OAS3: variants seen among roughly 807,000 people sequenced by gnomAD.
The protein encoded by OAS3 is 2'-5'-oligoadenylate synthase 3.
Under a neutral mutation model 113.0 loss-of-function variants are expected in OAS3, and 107 were observed. That is an observed-to-expected ratio of 0.95 (90% confidence interval 0.81 to 1.11). The LOEUF (loss-of-function observed/expected upper bound fraction) is 1.11, where lower values mean the gene tolerates loss of function less well. OAS3 is among the 50% of genes most tolerant of loss of function. OAS3 has a pLI of 0.00. For synonymous variants in OAS3, 552 were observed against 573.6 expected (o/e 0.96, Z 0.54); for missense variants, 1,258 against 1,389.1 (o/e 0.91, Z 1.50).
rs757589611 is a variant in OAS3, at chr12:112,964,301, A to G, written c.2296A>G (p.Asn766Asp). 1.2e-6 allele frequency: 2 copies of G among 1,608,348 alleles called. No individual in the cohort carries two copies. Among genetic ancestry groups the G allele is most frequent in the Admixed American group, 1.7e-5 (1 of 59,414 alleles). ...GTTCATCAGTGAATTTCTCCAGCCC[A>G]ACCGCCAGTTCCTGGCCCAGGTGAA... ...DKFISEFLQP[N>D]RQFLAQVNKA... Residue 766 changes from asparagine to aspartate, a missense_variant, in exon 11 of 16, where the codon AAC becomes GAC. Asn to Asp is a conservative substitution (Grantham distance 23). Transcript: ENST00000228928.
chr12:112,944,797 C>A, intron 3 of OAS3, 146 bp downstream of exon 3: 1 of 830,508 alleles, frequency 1.2e-6, no homozygotes, highest in Non-Finnish European at 2.0e-6. Flanking sequence ...ATTATTTTCT[C>A]TTGGGTTAGC....
chr12:112,963,348 A>T lies in OAS3; in HGVS notation c.2120A>T (p.Asn707Ile). Residue 707 changes from asparagine (N) to isoleucine (I), a missense_variant, in exon 10 of 16, where the codon AAC (asparagine) becomes ATC (isoleucine). Asn to Ile is a moderately radical substitution (Grantham distance 149, BLOSUM62 -3). Transcript: ENST00000228928. This position sits in a 1 kb window ranked among gnomAD's most constrained non-coding sequence, Gnocchi z 4.6. ...LVLDPADPTW[N>I]VGHGSWELLA... ...CTGGACCCCGCTGATCCCACCTGGAACGTGGGCCACGGTAGCTGGGAGCTG... is the reference window on the plus strand; with the variant it reads ...CTGGACCCCGCTGATCCCACCTGGATCGTGGGCCACGGTAGCTGGGAGCTG... 6.4e-7 allele frequency: 1 copy of T among 1,567,108 alleles called. No individual in the cohort carries two copies.
Position 112,965,970 on chromosome 12 carries a change from C to G in OAS3, c.2630C>G (p.Ser877Cys), listed in dbSNP as rs2043929888. The stretch of plus-strand genomic sequence containing the variant: ...CGCGTGCTGAGCTTCTCACTGACAT[C>G]CCAGACGATGCTGGACCAGAGTGTG... Reference protein sequence around the residue: ...NPRVLSFSLTSQTMLDQSVDF... With the variant: ...NPRVLSFSLTCQTMLDQSVDF... The change falls in exon 12 of 16, where the codon TCC becomes TGC. Residue 877 changes from serine (S) to cysteine (C), a missense_variant. Ser to Cys is a moderately radical substitution (Grantham distance 112, BLOSUM62 -1). Transcript: ENST00000228928. 2.5e-6 allele frequency: 4 copies of G among 1,614,040 alleles called. No homozygotes were observed. Among genetic ancestry groups the G allele is most frequent in the Non-Finnish European group, 3.4e-6 (4 of 1,179,906 alleles).
chr12:112,968,929 G>C (rs548414553), intron 14 of OAS3, among the ~76,000 whole-genome samples: 1 of 152,328 alleles, frequency 6.6e-6, no homozygotes, highest in Admixed American at 6.5e-5. Flanking sequence ...AGAGATAATA[G>C]AGATGCTTTT....
chr12:112,950,744 C>T lies in OAS3; in HGVS notation c.1426C>T (p.Leu476Phe). 1 of 1,614,064 alleles carries T rather than the reference C, an allele frequency of 6.2e-7. No homozygotes were observed. The highest frequency in any genetic ancestry group is 8.5e-7 in the Non-Finnish European group (1 of 1,179,910). The change falls in exon 7 of 16, where the codon CTC (leucine) becomes TTC (phenylalanine). Residue 476 changes from leucine to phenylalanine, a missense_variant. Leu to Phe is a conservative substitution (Grantham distance 22). Transcript: ENST00000228928. ...CCTAAGGGATGGCTGTGATGTTGAA[C>T]TCATCATCTTCCTCAACTGCTTCAC... ...TDLRDGCDVE[L>F]IIFLNCFTDY...
At chr12:112,947,889 G>A (rs1480230292) in intron 4 of OAS3, 57 bp from the exon 5 acceptor site, 27 of 1,472,074 alleles carry the variant, frequency 1.8e-5, no homozygotes, top group South Asian at 1.5e-4. Flanking sequence ...AACCAGGTCC[G>A]TTTCACTCCA....
At position 112,963,454 on chromosome 12, in the gene OAS3, G is replaced by A; in HGVS notation, c.2226G>A (p.Val742=). 1 of 1,540,212 alleles carries A rather than the reference G, an allele frequency of 6.5e-7. No homozygotes were observed. Among genetic ancestry groups the A allele is most frequent in the Non-Finnish European group, 8.8e-7 (1 of 1,139,458 alleles). ...RDGTSVQPWD[V]MPALLYQTPA... is the part of the protein sequence containing the mutation. ...GGACATCTGTGCAGCCCTGGGATGT[G>A]ATGGTAAGATGGAGGGTCCTGGGGG... The change falls in exon 10 of 16, where the codon GTG becomes GTA. Residue 742 remains valine, a synonymous_variant. Transcript: ENST00000228928. The surrounding 1 kb of genome is among the most constrained non-coding windows in gnomAD (Gnocchi z 4.6).
intron 14 of OAS3, among the ~76,000 whole-genome samples, chr12:112,968,670 A>G (rs184296055): frequency 5.0e-4 from 76 of 152,300 alleles, no homozygotes; most frequent in Middle Eastern, 3.4e-3. Context: ...GCATGCCACC[A>G]GGTCCAGCTA....
chr12:112,966,061 G>A (rs772695270), intron 12 of OAS3, 32 bp downstream of exon 12: 2 of 1,609,236 alleles, frequency 1.2e-6, no homozygotes, highest in South Asian at 1.1e-5. Context: ...CTGAGAGGGG[G>A]AAATACAGAG....
At chr12:112,948,146 G>C in intron 5 of OAS3, 47 bp downstream of exon 5, 2 of 1,465,766 alleles carry the variant, frequency 1.4e-6, no homozygotes, top group East Asian at 2.5e-5. Flanking sequence ...CTTTGTTTAT[G>C]TGTCCAGTGT....
intron 12 of OAS3, among the ~76,000 whole-genome samples, chr12:112,966,289 A>G (rs1190675622): frequency 6.6e-6 from 1 of 152,192 alleles, no homozygotes; most frequent in Non-Finnish European, 1.5e-5. Flanking sequence ...AACATGCTGG[A>G]TGACCTTGAA....
rs566871825 is a variant in OAS3 at position 112,949,696 on chromosome 12, G to A, written c.1374+491G>A. The stretch of plus-strand genomic sequence containing the variant: ...TCAAGTTTCTTGATCTGATGTCCTC[G>A]TCCACTGAGGCCTGACCACACGATT... On this transcript the variant is annotated intron_variant, in intron 6 of 15. Transcript: ENST00000228928. 8.6e-5 allele frequency among the ~76,000 whole-genome samples: 13 copies of A among 152,000 alleles called. No individual in the cohort carries two copies. The South Asian group carries it at 1.2e-3, about 15-fold the overall frequency.
At chr12:112,940,474 C>A (rs539266823) in intron 1 of OAS3, among the ~76,000 whole-genome samples, 1 of 152,176 alleles carries the variant, frequency 6.6e-6, no homozygotes. Context: ...AGATTAGAGA[C>A]GTCAGATCCC....
intron 7 of OAS3, among the ~76,000 whole-genome samples, chr12:112,958,674 G>A (rs1164663248): frequency 6.6e-6 from 1 of 152,250 alleles, no homozygotes; most frequent in South Asian, 2.1e-4. Context: ...TTGCAGAACT[G>A]CAAATATTGC....
chr12:112,947,155 TG>T (rs1423722636), intron 4 of OAS3, among the ~76,000 whole-genome samples, 174 bp downstream of exon 4: 1 of 152,216 alleles, frequency 6.6e-6, no homozygotes, highest in African/African-American at 2.4e-5. Flanking sequence ...TAGAATTACC[TG>T]GGGGAGTTTT....
rs756095948 is a variant in OAS3, at chr12:112,965,912, G to A, written c.2572G>A (p.Val858Ile). ...ATGTCAACAGGAGCGGCAGTTCGAG[G>A]TCAAGTTTGAAGTCTCCAAATGGGA... ...EACQQERQFE[V>I]KFEVSKWENP... The change falls in exon 12 of 16, where the codon GTC becomes ATC. Residue 858 changes from valine to isoleucine, a missense_variant. By Grantham distance (29) the Val-to-Ile change is conservative. Coordinates refer to ENST00000228928, the MANE Select transcript of OAS3 (RefSeq NM_006187.4). 3.1e-6 allele frequency: 5 copies of A among 1,613,620 alleles called. No individual in the cohort carries two copies. The South Asian group carries it at 4.4e-5, about 14-fold the overall frequency.
intron 11 of OAS3, 117 bp downstream of exon 11, chr12:112,964,525 A>G: frequency 9.2e-7 from 1 of 1,088,888 alleles, no homozygotes; most frequent in Non-Finnish European, 1.3e-6. Context: ...AGCCAGGCAT[A>G]GAGAAAGAGC....
chr12:112,941,936 C>A, intron 2 of OAS3, 84 bp downstream of exon 2: 2 of 1,570,468 alleles, frequency 1.3e-6, no homozygotes, highest in Non-Finnish European at 1.8e-6. Context: ...GCCCAGCCAC[C>A]AACTTGCTGT....
intron 12 of OAS3, among the ~76,000 whole-genome samples, chr12:112,966,493 A>T (rs1390016433): frequency 6.6e-6 from 1 of 152,172 alleles, no homozygotes; most frequent in Non-Finnish European, 1.5e-5. Context: ...AGGCACCAAA[A>T]ATAAAGCCTT....
Sources: allele counts gnomAD v4.1 joint callset (sites outside exome capture counted in the v4.1 genomes callset), GRCh38; gene constraint gnomAD v4.1.1; non-coding constraint Gnocchi (gnomAD v3.1); transcripts MANE v1.5; gene names NCBI Gene and HGNC (gene_info 2026-07-23, HGNC 2026-07-21).